Variants in TMEM163 observed in about 807,000 individuals in gnomAD.
The protein encoded by TMEM163 is transmembrane protein 163.
In TMEM163, 17 loss-of-function variants were observed where a neutral mutation model predicts 29.3. The observed-to-expected ratio is 0.58, with a 90% confidence interval of 0.40 to 0.87. TMEM163 has a LOEUF of 0.87. Among genes scored for constraint, TMEM163 ranks in the 40% least tolerant of loss-of-function variants. TMEM163 has a pLI of 0.00. For missense variants in TMEM163, 303 were observed against 381.5 expected (o/e 0.79, Z 1.71); for synonymous variants, 157 against 160.6 (o/e 0.98, Z 0.17).
chr2:134,587,235 G>GC (rs1428277246), intron 2 of TMEM163, among the ~76,000 whole-genome samples: 1 of 152,042 alleles, frequency 6.6e-6, no homozygotes, highest in Non-Finnish European at 1.5e-5. Flanking sequence ...ACATGGTGAG[G>GC]CCCCGCTTCT....
At chr2:134,557,959 T>C (rs1460911121) in intron 2 of TMEM163, among the ~76,000 whole-genome samples, 1 of 152,134 alleles carries the variant, frequency 6.6e-6, no homozygotes. Flanking sequence ...TTCTACATTT[T>C]CTACAACCAC....
intron 2 of TMEM163, among the ~76,000 whole-genome samples, chr2:134,706,789 A>G (rs1431434986): frequency 6.6e-6 from 1 of 152,126 alleles, no homozygotes; most frequent in Non-Finnish European, 1.5e-5. Context: ...AGCCAGGATG[A>G]AGGGGACAAG....
At chr2:134,620,885 A>C in intron 2 of TMEM163, among the ~76,000 whole-genome samples, 1 of 152,224 alleles carries the variant, frequency 6.6e-6, no homozygotes, top group East Asian at 1.9e-4. Context: ...ATAAAGGAAA[A>C]CATAGGAGAA....
rs192144879 is a variant in TMEM163, at chr2:134,595,676, T to C, written c.323-43585A>G. Among the ~76,000 whole-genome samples, 64 of 152,350 alleles carry C rather than the reference T, an allele frequency of 4.2e-4. No individual in the cohort carries two copies. In the East Asian group the frequency reaches 0.011, roughly 27 times the overall value. ...AAATGGTATTTCTAGTTCTAGATCC[T>C]TGAGGAATCGCCACACTGTCTTCCA... On this transcript the variant is annotated intron_variant, in intron 2 of 7. Coordinates refer to ENST00000281924, the MANE Select transcript of TMEM163 (RefSeq NM_030923.5).
rs578190285 is a variant in TMEM163, at chr2:134,456,302, C to T, written c.*414G>A. On this transcript the variant is annotated 3_prime_UTR_variant, in exon 8 of 8. Coordinates refer to ENST00000281924, the MANE Select transcript of TMEM163 (RefSeq NM_030923.5). The stretch of plus-strand genomic sequence containing the variant: ...TGAGGGGTACAATCTTCCCTTAAGA[C>T]CTGCCAGGAAAGGAGAGACTTGGAA... 1.3e-4 allele frequency: 23 copies of T among 172,854 alleles called. No individual in the cohort carries two copies. The East Asian group carries it at 3.5e-3, about 26-fold the overall frequency. The allele number at this position is 172,854 out of a possible 1,614,324, so 10.7% of individuals were successfully genotyped here.
chr2:134,501,406 G>A (rs1329684860), intron 5 of TMEM163, among the ~76,000 whole-genome samples: 3 of 152,194 alleles, frequency 2.0e-5, no homozygotes, highest in African/African-American at 7.2e-5. Context: ...CATTACAAGG[G>A]CCGTGAGCAC....
chr2:134,550,449 C>T (rs1680888808), intron 4 of TMEM163, 121 bp downstream of exon 4: 1 of 881,104 alleles, frequency 1.1e-6, no homozygotes, highest in Non-Finnish European at 1.8e-6. Flanking sequence ...CAGAAGCAAC[C>T]TGGGGACCTT....
In TMEM163 at chr2:134,553,939, C is replaced by T. The variant is rs186765882; in HGVS notation, c.323-1848G>A. Among the ~76,000 whole-genome samples the T allele has an allele frequency of 4.7e-4, 72 of 152,336 alleles. 1 individual carries two copies. Among genetic ancestry groups the T allele is most frequent in the East Asian group, 1.5e-3 (8 of 5,186 alleles). On this transcript the variant is annotated intron_variant, in intron 2 of 7. Coordinates refer to ENST00000281924, the MANE Select transcript of TMEM163 (RefSeq NM_030923.5). Reference sequence around the variant, plus strand: ...ATAAAACACAGCTTGACTCACAGCACGTGCTCCATAACTGTTAACTAAGCG... The same window carrying T: ...ATAAAACACAGCTTGACTCACAGCATGTGCTCCATAACTGTTAACTAAGCG...
At chr2:134,478,091 A>C (rs985287480) in intron 5 of TMEM163, among the ~76,000 whole-genome samples, 1 of 152,146 alleles carries the variant, frequency 6.6e-6, no homozygotes, top group Non-Finnish European at 1.5e-5. Flanking sequence ...TACTGCTCTC[A>C]CCGTGTGATT....
At chr2:134,508,198 T>G (rs1223027791) in intron 4 of TMEM163, among the ~76,000 whole-genome samples, 1 of 152,162 alleles carries the variant, frequency 6.6e-6, no homozygotes, top group Non-Finnish European at 1.5e-5. Context: ...CTAGGTTACT[T>G]CCTATCAGAT....
At chr2:134,534,848 G>A (rs967541717) in intron 4 of TMEM163, among the ~76,000 whole-genome samples, 23 of 152,142 alleles carry the variant, frequency 1.5e-4, no homozygotes, top group South Asian at 4.1e-4. Context: ...GTCCTGAGTC[G>A]TCAACCCAAA....
chr2:134,608,943 C>A (rs1442844387), intron 2 of TMEM163, among the ~76,000 whole-genome samples: 13 of 72,260 alleles, frequency 1.8e-4, no homozygotes, highest in African/African-American at 8.5e-4. Flanking sequence ...GGACAGACCC[C>A]GAGAACTGTA....
At chr2:134,462,420 A>T (rs1479563592) in intron 6 of TMEM163, among the ~76,000 whole-genome samples, 1 of 152,110 alleles carries the variant, frequency 6.6e-6, no homozygotes, top group Non-Finnish European at 1.5e-5. Context: ...ATCCCACCCT[A>T]GACCTCAAGC....
At chr2:134,511,314 G>A (rs930225050) in intron 4 of TMEM163, among the ~76,000 whole-genome samples, 2 of 152,202 alleles carry the variant, frequency 1.3e-5, no homozygotes, top group Non-Finnish European at 2.9e-5. Flanking sequence ...TGGCAGGAGA[G>A]AACCCAGCAT....
chr2:134,701,827 A>G (rs1398612274), intron 2 of TMEM163, among the ~76,000 whole-genome samples: 1 of 151,184 alleles, frequency 6.6e-6, no homozygotes, highest in African/African-American at 2.4e-5. Context: ...CTGAGGCAGG[A>G]GAATCACTTG....
intron 2 of TMEM163, among the ~76,000 whole-genome samples, chr2:134,711,637 GAAC>G (rs893658550): frequency 1.5e-4 from 23 of 152,252 alleles, no homozygotes; most frequent in African/African-American, 5.5e-4. Flanking sequence ...TAAAGGAAAT[GAAC>G]AACATTTTTA....
chr2:134,651,658 TA>T (rs1448275546), intron 2 of TMEM163, among the ~76,000 whole-genome samples: 1 of 99,544 alleles, frequency 1.0e-5, no homozygotes, highest in African/African-American at 5.3e-5. Flanking sequence ...GGTTTTCTTC[TA>T]GGGTTTTTAT....
Position 134,458,036 on chromosome 2 carries a change from C to T in TMEM163, c.805G>A (p.Val269Ile). The change falls in exon 7 of 8, where the codon GTC becomes ATC. Residue 269 changes from valine (V) to isoleucine (I), a missense_variant. Coordinates refer to ENST00000281924, the MANE Select transcript of TMEM163 (RefSeq NM_030923.5). The part of the protein sequence containing the change: ...LIGLTIFAYG[V>I]KLLIDMVPRV... The stretch of plus-strand genomic sequence containing the variant: ...CAGGAAAGCACAAGAACCTACTTGA[C>T]CCCATAGGCAAATATGGTGAGGCCG... 6.2e-7 allele frequency: 1 copy of T among 1,614,168 alleles called. No homozygotes were observed. Among genetic ancestry groups the T allele is most frequent in the Non-Finnish European group, 8.5e-7 (1 of 1,180,032 alleles).
At chr2:134,539,159 G>A (rs551214380) in intron 4 of TMEM163, among the ~76,000 whole-genome samples, 141 of 152,224 alleles carry the variant, frequency 9.3e-4, no homozygotes, top group African/African-American at 3.1e-3. Context: ...GGGTAGGAAC[G>A]ATGATAAGCC....
Sources: gnomAD v4.1 joint callset for allele counts (sites outside exome capture counted in the v4.1 genomes callset) on GRCh38, gnomAD v4.1.1 for gene constraint, MANE v1.5 for transcripts, NCBI Gene and HGNC (gene_info 2026-07-23, HGNC 2026-07-21) for gene names.